Variants in USP13 observed in about 807,000 individuals in gnomAD.
USP13 encodes ubiquitin carboxyl-terminal hydrolase 13.
In USP13, 68 loss-of-function variants were observed where a neutral mutation model predicts 107.8. The ratio of observed to expected loss-of-function variants is 0.63; its 90% confidence interval spans 0.52 to 0.77. USP13 has a LOEUF of 0.77. USP13 is among the 30% of genes least tolerant of loss of function. USP13 has a pLI of 0.00. For missense variants in USP13, 945 were observed against 1,093.3 expected, an observed-to-expected ratio of 0.86 and a Z score of 1.91; for synonymous variants, 377 against 389.5, an observed-to-expected ratio of 0.97 and a Z score of 0.38.
intron 16 of USP13, among the ~76,000 whole-genome samples, chr3:179,760,731 A>G (rs1444957408): frequency 6.6e-6 from 1 of 152,172 alleles, no homozygotes; most frequent in Non-Finnish European, 1.5e-5. Context: ...GGTTTAAGGA[A>G]CAGGCTTTTA....
Position 179,786,349 on chromosome 3 carries a change from G to A in USP13, c.*2208G>A, listed in dbSNP as rs1365548002. ...TTGGATTGAAATGTGGACAAAGATA[G>A]CATGTGTATTTTGAATAAAATAAAA... On this transcript the variant is annotated 3_prime_UTR_variant, in exon 21 of 21. Transcript: ENST00000263966. 2 of 152,184 alleles carry A rather than the reference G, an allele frequency of 1.3e-5. No individual in the cohort carries two copies. Among genetic ancestry groups the A allele is most frequent in the Admixed American group, 1.3e-4 (2 of 15,270 alleles). The allele number at this position is 152,184 out of a possible 1,614,324, so 9.4% of individuals were successfully genotyped here.
At chr3:179,713,739 T>G (rs952789368) in intron 6 of USP13, among the ~76,000 whole-genome samples, 1 of 152,184 alleles carries the variant, frequency 6.6e-6, no homozygotes, top group Non-Finnish European at 1.5e-5. Context: ...CTGAATTATA[T>G]TTAGAAGATT....
intron 1 of USP13, among the ~76,000 whole-genome samples, chr3:179,660,122 T>C (rs1268014313): frequency 4.6e-5 from 7 of 152,182 alleles, no homozygotes; most frequent in Non-Finnish European, 1.0e-4. Context: ...CATGGAAACA[T>C]TTTAACTCGT....
At chr3:179,724,627 T>A (rs1713449496) in intron 8 of USP13, among the ~76,000 whole-genome samples, 1 of 152,182 alleles carries the variant, frequency 6.6e-6, no homozygotes. Context: ...CTAGTTTACA[T>A]TTCAAAATAA....
intron 13 of USP13, 86 bp from the exon 14 acceptor site, chr3:179,752,199 C>T: frequency 8.3e-7 from 1 of 1,203,202 alleles, no homozygotes; most frequent in Non-Finnish European, 1.2e-6. Context: ...GCCAGGTGTG[C>T]CTCAGACAAA....
intron 4 of USP13, among the ~76,000 whole-genome samples, chr3:179,705,523 G>T (rs1712680970): frequency 6.6e-6 from 1 of 152,088 alleles, no homozygotes; most frequent in Non-Finnish European, 1.5e-5. Flanking sequence ...ATGGAATCAT[G>T]TAATATGTTG....
chr3:179,672,143 C>G (rs927430700), intron 1 of USP13, among the ~76,000 whole-genome samples: 1 of 152,174 alleles, frequency 6.6e-6, no homozygotes, highest in African/African-American at 2.4e-5. Flanking sequence ...TCACTTGCTA[C>G]TCTGAAACAT....
intron 5 of USP13, 30 bp downstream of exon 5, chr3:179,707,106 A>G: frequency 6.3e-7 from 1 of 1,577,794 alleles, no homozygotes; most frequent in Non-Finnish European, 8.6e-7. Context: ...ATGGAACTTT[A>G]CTCCCTAAAA....
chr3:179,748,792 T>C (rs1223248917), intron 13 of USP13, among the ~76,000 whole-genome samples: 1 of 152,136 alleles, frequency 6.6e-6, no homozygotes, highest in African/African-American at 2.4e-5. Context: ...AGACTCTAGG[T>C]AGATGCCCAA....
chr3:179,720,019 G>A lies in USP13; in HGVS notation c.885G>A (p.Met295Ile). The A allele has an allele frequency of 1.2e-6, 2 of 1,613,818 alleles. No homozygotes were observed. Among genetic ancestry groups the A allele is most frequent in the Non-Finnish European group, 1.7e-6 (2 of 1,179,860 alleles). Residue 295 changes from methionine (M) to isoleucine (I), a missense_variant, in exon 7 of 21, where the codon ATG (methionine) becomes ATA (isoleucine). Physicochemically the swap from Met to Ile is conservative, Grantham distance 10 (BLOSUM62 1). Transcript: ENST00000263966. The stretch of plus-strand genomic sequence containing the variant: ...ACTTAGCGCATTTTGGAATTGATAT[G>A]CTTCATATGCATGGGGTGAGGTCTC... ...AKHLAHFGIDMLHMHGTENGL... is the reference protein window; with the variant it reads ...AKHLAHFGIDILHMHGTENGL...
Position 179,723,785 on chromosome 3 carries a change from C to G in USP13, c.1088+2196C>G, listed in dbSNP as rs146162814. ...ACTGGATTGAAATACTTGTTCTTCTCACTTCTTTTTCACCAGCAGGTCTAA... is the reference window on the plus strand; with the variant it reads ...ACTGGATTGAAATACTTGTTCTTCTGACTTCTTTTTCACCAGCAGGTCTAA... On this transcript the variant is annotated intron_variant, in intron 8 of 20. Transcript: ENST00000263966. Among the ~76,000 whole-genome samples, 4 of 152,244 alleles carry G rather than the reference C, an allele frequency of 2.6e-5. No homozygotes were observed. In the East Asian group the frequency reaches 7.7e-4, roughly 29 times the overall value.
intron 19 of USP13, among the ~76,000 whole-genome samples, chr3:179,778,226 T>C (rs944515540): frequency 3.3e-5 from 5 of 151,990 alleles, no homozygotes; most frequent in Non-Finnish European, 7.4e-5. Flanking sequence ...TGGTAGGAGG[T>C]TTACAAAAAT....
intron 8 of USP13, among the ~76,000 whole-genome samples, chr3:179,729,903 A>G (rs1186986946): frequency 1.3e-5 from 2 of 152,200 alleles, no homozygotes; most frequent in Non-Finnish European, 2.9e-5. Context: ...GTCTCACGCA[A>G]TGAAATTGGA....
intron 1 of USP13, among the ~76,000 whole-genome samples, chr3:179,668,552 CT>C (rs1451020237): frequency 6.6e-6 from 1 of 152,046 alleles, no homozygotes; most frequent in Non-Finnish European, 1.5e-5. Context: ...TATTTTCTTT[CT>C]TTCTCTGTTT....
chr3:179,721,529 A>G lies in USP13; in HGVS notation c.1028A>G (p.Asn343Ser). Residue 343 changes from asparagine to serine, a missense_variant, in exon 8 of 21, where the codon AAC (asparagine) becomes AGC (serine). Transcript: ENST00000263966. The surrounding 1 kb of genome is among the most constrained non-coding windows in gnomAD (Gnocchi z 4.3). ...PGYTGLKNLG[N>S]SCYLSSVMQA... Reference sequence around the variant, plus strand: ...TACACGGGTCTGAAGAACCTGGGCAACAGCTGCTATCTCAGCTCTGTCATG... The same window carrying G: ...TACACGGGTCTGAAGAACCTGGGCAGCAGCTGCTATCTCAGCTCTGTCATG... The G allele has an allele frequency of 1.2e-6, 2 of 1,614,158 alleles. No individual in the cohort carries two copies. The highest frequency in any genetic ancestry group is 1.7e-6 in the Non-Finnish European group (2 of 1,180,038).
At position 179,784,045 on chromosome 3, in the gene USP13, C is replaced by T. The variant is rs368680753; in HGVS notation, c.2499-3C>T. 3.4e-5 allele frequency: 54 copies of T among 1,607,218 alleles called. No individual in the cohort carries two copies. In the Middle Eastern group the frequency reaches 6.6e-4, roughly 20 times the overall value. On this transcript the variant is annotated splice_polypyrimidine_tract_variant and splice_region_variant and intron_variant, in intron 20 of 20. Coordinates refer to ENST00000263966, the MANE Select transcript of USP13 (RefSeq NM_003940.3). Reference sequence around the variant, plus strand: ...CCATCAAATGCTTCTGTCTTATTTTCAGATGGGTGATTTACAATGACCACA... The same window carrying T: ...CCATCAAATGCTTCTGTCTTATTTTTAGATGGGTGATTTACAATGACCACA...
At chr3:179,781,099 A>T (rs1235280541) in intron 19 of USP13, among the ~76,000 whole-genome samples, 1 of 152,168 alleles carries the variant, frequency 6.6e-6, no homozygotes, top group Admixed American at 6.5e-5. Flanking sequence ...CCTGTTAGAG[A>T]ATAAACATTG....
chr3:179,739,437 G>A (rs1262219631), intron 10 of USP13, among the ~76,000 whole-genome samples: 1 of 152,204 alleles, frequency 6.6e-6, no homozygotes, highest in Admixed American at 6.5e-5. Context: ...GCTTCACTGG[G>A]CCGTGCAATG....
chr3:179,670,204 C>T (rs149907964), intron 1 of USP13, among the ~76,000 whole-genome samples: 105 of 152,304 alleles, frequency 6.9e-4, no homozygotes, highest in African/African-American at 2.4e-3. Flanking sequence ...CCCTGTCCCC[C>T]ATCTGTATAA....
Sources: allele counts gnomAD v4.1 joint callset (sites outside exome capture counted in the v4.1 genomes callset), GRCh38; gene constraint gnomAD v4.1.1; non-coding constraint Gnocchi (gnomAD v3.1); transcripts MANE v1.5; gene names NCBI Gene and HGNC (gene_info 2026-07-23, HGNC 2026-07-21).